Variants in RUNX1T1 observed in about 807,000 individuals in gnomAD.
The protein encoded by RUNX1T1 is RUNX1 partner transcriptional co-repressor 1.
Under a neutral mutation model 62.8 loss-of-function variants are expected in RUNX1T1, and 4 were observed. The ratio of observed to expected loss-of-function variants is 0.06; its 90% CI spans 0.03 to 0.15. The LOEUF is 0.15. Among genes scored for constraint, RUNX1T1 ranks in the 10% least tolerant of loss-of-function variants. The probability of loss-of-function intolerance (pLI) is 1.00; values close to 1 mark genes in which losing one functional copy is unlikely to be tolerated. For missense variants in RUNX1T1, 508 were observed against 754.3 expected (o/e 0.67, Z 3.82); for synonymous variants, 291 against 286.0 (o/e 1.02, Z -0.18).
chr8:92,095,864 C>A (rs1837705716), intron 1 of RUNX1T1, among the ~76,000 whole-genome samples: 2 of 152,178 alleles, frequency 1.3e-5, no homozygotes, highest in Non-Finnish European at 2.9e-5. Context: ...CAGGGCTAGG[C>A]TGGAACATGT....
intron 8 of RUNX1T1, among the ~76,000 whole-genome samples, chr8:91,981,883 C>T (rs1026024083): frequency 2.0e-5 from 3 of 152,130 alleles, no homozygotes; most frequent in African/African-American, 7.2e-5. Context: ...TTTAAAAGCA[C>T]AGGGAAAGTG....
chr8:91,958,955 CTTT>C (rs35061826), exon 11 of RUNX1T1: 25 of 179,422 alleles, frequency 1.4e-4, no homozygotes, highest in Middle Eastern at 1.9e-3. Flanking sequence ...TCTTTTTTTC[CTTT>C]TTTTTTTTTT....
chr8:92,100,150 TAGAA>T (rs1310167844), upstream of RUNX1T1, among the ~76,000 whole-genome samples: 1 of 152,210 alleles, frequency 6.6e-6, no homozygotes, highest in Non-Finnish European at 1.5e-5. Flanking sequence ...TGATTTTTAT[TAGAA>T]AGGACCTTTT....
At chr8:92,065,744 G>A (rs1305111638), upstream of RUNX1T1, among the ~76,000 whole-genome samples, 1 of 152,218 alleles carries the variant, frequency 6.6e-6, no homozygotes, top group Non-Finnish European at 1.5e-5. Flanking sequence ...ATGGGCTGCA[G>A]TTCAGGAAAG....
chr8:91,986,409 A>G, intron 7 of RUNX1T1, 84 bp from the exon 9 acceptor site: 3 of 1,030,696 alleles, frequency 2.9e-6, no homozygotes, highest in South Asian at 1.3e-5. Context: ...AAACCATTTC[A>G]GGACAATGAA....
At chr8:92,012,843 C>G (rs992241794) in intron 3 of RUNX1T1, among the ~76,000 whole-genome samples, 1 of 151,962 alleles carries the variant, frequency 6.6e-6, no homozygotes, top group African/African-American at 2.4e-5. Flanking sequence ...GTCTGCTACT[C>G]AATGAATATT....
chr8:91,987,052 A>G (rs975016332), intron 6 of RUNX1T1, 80 bp from the exon 8 acceptor site: 1 of 902,978 alleles, frequency 1.1e-6, no homozygotes, highest in Non-Finnish European at 1.8e-6. Context: ...AGCAAGGACT[A>G]TGTGGGCAAA....
chr8:92,060,553 A>ATATATATGTGTGTGTGTGTGTG, intron 1 of RUNX1T1, among the ~76,000 whole-genome samples: 17 of 63,938 alleles, frequency 2.7e-4, no homozygotes, highest in African/African-American at 6.3e-4. Context: ...ATATATATAT[A>ATATATATGTGTGTGTGTGTGTG]TGTGTGTGTG....
intron 1 of RUNX1T1, among the ~76,000 whole-genome samples, chr8:92,026,853 C>G (rs1193619889): frequency 6.7e-6 from 1 of 149,340 alleles, no homozygotes; most frequent in Non-Finnish European, 1.5e-5. Flanking sequence ...CGCGGTGGCT[C>G]ACGCCTGTAA....
chr8:92,023,496 T>C (rs976221282), intron 1 of RUNX1T1, among the ~76,000 whole-genome samples: 4 of 152,182 alleles, frequency 2.6e-5, no homozygotes, highest in Non-Finnish European at 5.9e-5. Context: ...TCCATTTTTC[T>C]CCCATAAACA....
intron 1 of RUNX1T1, among the ~76,000 whole-genome samples, chr8:92,044,386 G>T (rs1333514536): frequency 1.3e-5 from 2 of 152,142 alleles, no homozygotes; most frequent in Non-Finnish European, 2.9e-5. Context: ...CAGAAAGGTA[G>T]GTGTGAAAAA....
At chr8:92,086,801 TC>T (rs1437974847) in intron 1 of RUNX1T1, among the ~76,000 whole-genome samples, 1 of 152,190 alleles carries the variant, frequency 6.6e-6, no homozygotes, top group African/African-American at 2.4e-5. Flanking sequence ...TAATTATTTT[TC>T]CTTTGCAATA....
rs1479277884 is a variant in RUNX1T1, at chr8:92,003,195, A to G, written c.659+1921T>C. On this transcript the variant is annotated intron_variant, in intron 5 of 10. Coordinates refer to ENST00000396218, the Ensembl canonical transcript of RUNX1T1. ...GAGAGTTCTACCTGACTGAATGCAT[A>G]CACTGATGCATGCACAGCGACAGAG... is the stretch of plus-strand genomic sequence containing the variant. 16 of 343,276 alleles carry G rather than the reference A, an allele frequency of 4.7e-5. No homozygotes were observed. The East Asian group carries it at 8.2e-4, about 18-fold the overall frequency. The allele number at this position is 343,276 out of a possible 1,614,324, so 21.3% of individuals were successfully genotyped here. A position where few individuals can be genotyped will look rare whatever the true frequency, so the allele number is the denominator to read the frequency against.
intron 1 of RUNX1T1, among the ~76,000 whole-genome samples, chr8:92,060,553 A>ATATATGTGTGTGTGTG: frequency 4.7e-4 from 30 of 63,926 alleles, no homozygotes; most frequent in African/African-American, 1.4e-3. Context: ...ATATATATAT[A>ATATATGTGTGTGTGTG]TGTGTGTGTG....
chr8:92,028,064 G>A (rs1156350598), intron 1 of RUNX1T1, among the ~76,000 whole-genome samples: 1 of 109,358 alleles, frequency 9.1e-6, no homozygotes, highest in Non-Finnish European at 1.8e-5. Flanking sequence ...ATGGACAGAC[G>A]GATGGAATAA....
At chr8:91,970,836 T>C (rs778032944) in exon 10 of RUNX1T1, 2 of 1,609,008 alleles carry the variant, frequency 1.2e-6, no homozygotes, top group Non-Finnish European at 8.5e-7. Flanking sequence ...CTTCACCTCA[T>C]TGACGGCCTC....
intron 1 of RUNX1T1, among the ~76,000 whole-genome samples, chr8:92,061,709 T>C (rs1832061699): frequency 6.6e-6 from 1 of 152,184 alleles, no homozygotes; most frequent in Non-Finnish European, 1.5e-5. Context: ...AAGCACAGCC[T>C]CTTCTGCCTG....
At chr8:92,023,868 A>G (rs1824600194) in intron 1 of RUNX1T1, among the ~76,000 whole-genome samples, 1 of 152,186 alleles carries the variant, frequency 6.6e-6, no homozygotes, top group Non-Finnish European at 1.5e-5. Context: ...CATAGCACCT[A>G]GTCCAAGATA....
At chr8:92,014,777 G>A in exon 3 of RUNX1T1, 1 of 1,613,808 alleles carries the variant, frequency 6.2e-7, no homozygotes. Flanking sequence ...GTGGTGAGGG[G>A]GCGCCATTCA....
Sources: allele counts gnomAD v4.1 joint callset (sites outside exome capture counted in the v4.1 genomes callset), GRCh38; gene constraint gnomAD v4.1.1; transcripts MANE v1.5; gene names NCBI Gene and HGNC (gene_info 2026-07-23, HGNC 2026-07-21).